The following NDUFAF6 variants were observed in gnomAD, a reference collection of about 807,000 sequenced individuals.
NDUFAF6 encodes NADH:ubiquinone oxidoreductase complex assembly factor 6.
A neutral mutation model predicts 40.8 loss-of-function variants in NDUFAF6; 45 were observed. That is an observed-to-expected ratio of 1.10 (90% confidence interval 0.87 to 1.42). The LOEUF (loss-of-function observed/expected upper bound fraction) is 1.42. Ranked by LOEUF, NDUFAF6 falls within the 40% of genes most tolerant of loss-of-function variation. The probability of loss-of-function intolerance (pLI) is 0.00; values close to 1 mark genes in which losing one functional copy is unlikely to be tolerated. For synonymous variants in NDUFAF6, 185 were observed against 155.9 expected, an observed-to-expected ratio of 1.19 and a Z score of -1.39; for missense variants, 435 against 418.5, an observed-to-expected ratio of 1.04 and a Z score of -0.34.
At chr8:95,074,075 A>G (rs1832957541) in intron 9 of NDUFAF6, among the ~76,000 whole-genome samples, 1 of 152,192 alleles carries the variant, frequency 6.6e-6, no homozygotes, top group Admixed American at 6.5e-5. Context: ...CGCAGGGAGA[A>G]GTGGGTAAGG....
intron 9 of NDUFAF6, among the ~76,000 whole-genome samples, chr8:95,073,355 C>T (rs887624956): frequency 2.0e-5 from 3 of 152,220 alleles, no homozygotes; most frequent in African/African-American, 7.2e-5. Flanking sequence ...GCTGTCGCCC[C>T]GTCGCATTCT....
intron 2 of NDUFAF6, among the ~76,000 whole-genome samples, chr8:95,086,768 A>AT (rs918109154): frequency 9.3e-5 from 14 of 151,312 alleles, no homozygotes; most frequent in South Asian, 2.1e-4. Context: ...CGCCCGGCTA[A>AT]TTTTTTTTGT....
At chr8:94,942,003 T>C (rs542763794) in intron 1 of NDUFAF6, among the ~76,000 whole-genome samples, 2 of 151,866 alleles carry the variant, frequency 1.3e-5, no homozygotes, top group South Asian at 4.2e-4. Flanking sequence ...AGCTGGCAGT[T>C]ATTCAGGCCA....
At chr8:95,048,354 G>T in intron 6 of NDUFAF6, 103 bp from the exon 7 acceptor site, 1 of 816,016 alleles carries the variant, frequency 1.2e-6, no homozygotes, top group Non-Finnish European at 2.1e-6. Context: ...GTGTTCTCTT[G>T]TGCTAAGTTA....
intron 1 of NDUFAF6, among the ~76,000 whole-genome samples, chr8:94,935,174 T>TAG (rs766797744): frequency 1.4e-3 from 219 of 151,838 alleles, no homozygotes; most frequent in African/African-American, 4.8e-3. Context: ...GATAGATAGA[T>TAG]ATAATACAAT....
chr8:95,045,315 A>G (rs1315370212), intron 4 of NDUFAF6, among the ~76,000 whole-genome samples: 6 of 152,340 alleles, frequency 3.9e-5, no homozygotes, highest in Non-Finnish European at 7.4e-5. Flanking sequence ...TGCCATGTCC[A>G]TGGTGATTTG....
At chr8:95,104,904 A>T (rs1014399661), downstream of NDUFAF6, among the ~76,000 whole-genome samples, 2 of 152,184 alleles carry the variant, frequency 1.3e-5, no homozygotes, top group Non-Finnish European at 2.9e-5. Context: ...GAGAGAATAA[A>T]GTTGTTAGTG....
At chr8:95,094,751 C>CTT (rs1468304699) in intron 2 of NDUFAF6, among the ~76,000 whole-genome samples, 1 of 19,438 alleles carries the variant, frequency 5.1e-5, no homozygotes, top group Non-Finnish European at 8.7e-5. Context: ...TCTTCTTCTT[C>CTT]TTTTTTTTTT....
chr8:95,033,505 T>C (rs1829104543), intron 2 of NDUFAF6, among the ~76,000 whole-genome samples: 1 of 152,232 alleles, frequency 6.6e-6, no homozygotes, highest in Admixed American at 6.5e-5. Context: ...TTACATAGTC[T>C]GTATTCAATG....
chr8:95,019,314 C>T lies in NDUFAF6; in HGVS notation c.-83-12681C>T, dbSNP rs977106905. 5.3e-5 allele frequency among the ~76,000 whole-genome samples: 8 copies of T among 152,210 alleles called. 1 individual carries two copies. Among genetic ancestry groups the T allele is most frequent in the African/African-American group, 1.9e-4 (8 of 41,568 alleles). On this transcript the variant is annotated intron_variant, in intron 2 of 9. Transcript: ENST00000396111. ...CGTGAGCCACTGCACCCCGCCTCAT[C>T]TCTAATATATACACAAAGCAAACAA...
At chr8:95,010,988 G>T (rs1827204414) in intron 2 of NDUFAF6, among the ~76,000 whole-genome samples, 1 of 152,228 alleles carries the variant, frequency 6.6e-6, no homozygotes, top group South Asian at 2.1e-4. Context: ...GGAGTCTTCT[G>T]TGCGGCGGAA....
chr8:94,951,417 T>TAA (rs1822607196), intron 2 of NDUFAF6: 1 of 152,240 alleles, frequency 6.6e-6, no homozygotes, highest in African/African-American at 2.4e-5. Context: ...GGGTAGTTTT[T>TAA]AAAGCAGCGA....
chr8:94,920,873 C>A (rs1819454403), intron 1 of NDUFAF6, among the ~76,000 whole-genome samples: 1 of 152,242 alleles, frequency 6.6e-6, no homozygotes, highest in African/African-American at 2.4e-5. Flanking sequence ...ATTCCCATCC[C>A]TGCTCATAGT....
At chr8:94,980,453 T>TG (rs1563766543) in intron 1 of NDUFAF6, among the ~76,000 whole-genome samples, 30 of 146,044 alleles carry the variant, frequency 2.1e-4, no homozygotes, top group African/African-American at 6.8e-4. Context: ...TTTTTTTTTT[T>TG]TTTTTTTTTG....
chr8:94,912,261 CA>C (rs1179747582), intron 1 of NDUFAF6, among the ~76,000 whole-genome samples: 1 of 152,204 alleles, frequency 6.6e-6, no homozygotes, highest in African/African-American at 2.4e-5. Flanking sequence ...TGATTTCCTA[CA>C]AGTGCATTAT....
At chr8:95,016,240 C>T (rs1827439951) in intron 2 of NDUFAF6, among the ~76,000 whole-genome samples, 1 of 152,122 alleles carries the variant, frequency 6.6e-6, no homozygotes, top group Admixed American at 6.5e-5. Context: ...TTCATGTTGA[C>T]AATATGTCTT....
chr8:95,047,003 AT>A lies in NDUFAF6; in HGVS notation c.591del (p.Leu198PhefsTer20). The A allele has an allele frequency of 6.2e-7, 1 of 1,614,112 alleles. No individual in the cohort carries two copies. Among genetic ancestry groups the A allele is most frequent in the Non-Finnish European group, 8.5e-7 (1 of 1,180,012 alleles). On this transcript the variant is annotated frameshift_variant, in exon 6 of 9. Coordinates refer to ENST00000396124, the MANE Select transcript of NDUFAF6 (RefSeq NM_152416.4). LOFTEE classifies it high-confidence loss of function. ...ATTTCTGAAATCATAGGTATAAAGGATCTTCATGCAGATCATGCTGCAAGTC... is the reference window on the plus strand; with the variant it reads ...ATTTCTGAAATCATAGGTATAAAGGACTTCATGCAGATCATGCTGCAAGTC... ...YLTLEILGIKDLHADHAASHI... is the reference protein window; with the variant it reads ...YLTLEILGIKXLHADHAASHI...
At position 94,991,269 on chromosome 8, in the gene NDUFAF6, TA is replaced by T. The variant is rs1443130875; in HGVS notation, c.-84+10300del. 2.6e-5 allele frequency among the ~76,000 whole-genome samples: 4 copies of T among 152,348 alleles called. No individual in the cohort carries two copies. The East Asian group carries it at 7.7e-4, about 29-fold the overall frequency. ...CAGCTCCCTGATTTGATAAACATCT[TA>T]AAATATGTTTGGCTATGACTTTTGA... On this transcript the variant is annotated intron_variant, in intron 2 of 9. Coordinates refer to the NDUFAF6 transcript ENST00000396111.
chr8:94,916,678 G>A (rs1266468225), intron 1 of NDUFAF6, among the ~76,000 whole-genome samples: 1 of 151,970 alleles, frequency 6.6e-6, no homozygotes, highest in African/African-American at 2.4e-5. Flanking sequence ...CCTGGGTGTG[G>A]TGGCACGTGC....
Sources: allele counts gnomAD v4.1 joint callset (sites outside exome capture counted in the v4.1 genomes callset), GRCh38; gene constraint gnomAD v4.1.1; transcripts MANE v1.5; gene names NCBI Gene and HGNC (gene_info 2026-07-23, HGNC 2026-07-21).